Variants in RBFOX1 observed in about 807,000 individuals in gnomAD.
RBFOX1 encodes RNA binding fox-1 homolog 1.
RBFOX1 carries 8 observed loss-of-function variants against 57.7 expected under a neutral mutation model. The observed-to-expected ratio is 0.14, with a 90% CI of 0.08 to 0.25. The LOEUF (loss-of-function observed/expected upper bound fraction) is 0.25, where lower values mean the gene tolerates loss of function less well. Ranked by LOEUF, RBFOX1 falls within the 10% of genes least tolerant of loss-of-function variation. The pLI, the probability that RBFOX1 is intolerant of heterozygous loss-of-function variation, is 1.00. For synonymous variants in RBFOX1, 326 were observed against 222.4 expected (o/e 1.47, Z -4.15); for missense variants, 611 against 548.5 (o/e 1.11, Z -1.14).
intron 4 of RBFOX1, among the ~76,000 whole-genome samples, chr16:7,343,751 C>G (rs2096941147): frequency 6.6e-6 from 1 of 151,860 alleles, no homozygotes; most frequent in South Asian, 2.1e-4. Context: ...CCTGGTTCAT[C>G]TGCTGCAACC....
At chr16:7,328,655 G>C (rs1009751528) in intron 4 of RBFOX1, 5 of 149,998 alleles carry the variant, frequency 3.3e-5, no homozygotes, top group Non-Finnish European at 7.4e-5. Context: ...TAGGTGGAGG[G>C]ATGAGATTGA....
chr16:6,224,462 C>T (rs1378773335), intron 1 of RBFOX1, among the ~76,000 whole-genome samples: 1 of 152,090 alleles, frequency 6.6e-6, no homozygotes, highest in Non-Finnish European at 1.5e-5. Flanking sequence ...AATTCTTAGG[C>T]AGTGCTGATG....
chr16:6,492,108 G>C (rs1204238507), intron 2 of RBFOX1, among the ~76,000 whole-genome samples: 1 of 115,960 alleles, frequency 8.6e-6, no homozygotes, highest in Non-Finnish European at 1.9e-5. Flanking sequence ...TAAATAGCAA[G>C]TATATGAAAG....
At chr16:5,519,777 C>T (rs1453063354) in intron 2 of RBFOX1, among the ~76,000 whole-genome samples, 1 of 152,146 alleles carries the variant, frequency 6.6e-6, no homozygotes, top group Admixed American at 6.5e-5. Context: ...GATAAGACAG[C>T]CTGGGCGACT....
chr16:6,409,095 A>G (rs1180678624), intron 2 of RBFOX1, among the ~76,000 whole-genome samples: 4 of 152,136 alleles, frequency 2.6e-5, no homozygotes, highest in East Asian at 1.9e-4. Flanking sequence ...CCTACATACT[A>G]CTTCAAATAC....
chr16:7,193,383 T>C (rs1289010779), intron 4 of RBFOX1, among the ~76,000 whole-genome samples: 9 of 152,324 alleles, frequency 5.9e-5, no homozygotes, highest in South Asian at 4.1e-4. Context: ...AACTCCTTAA[T>C]TGTAGCTGGA....
chr16:5,390,745 T>A (rs542021098), intron 1 of RBFOX1, among the ~76,000 whole-genome samples: 254 of 152,128 alleles, frequency 1.7e-3, no homozygotes, highest in Non-Finnish European at 2.9e-3. Context: ...TTCACATTAT[T>A]CCCTGGGTCA....
intron 4 of RBFOX1, among the ~76,000 whole-genome samples, chr16:7,205,661 C>T (rs772886730): frequency 1.3e-4 from 20 of 152,304 alleles, no homozygotes; most frequent in Non-Finnish European, 2.2e-4. Flanking sequence ...AATTCCATGC[C>T]TTCTTGGTCA....
chr16:7,530,216 C>T (rs1197600626), intron 5 of RBFOX1, among the ~76,000 whole-genome samples: 2 of 152,122 alleles, frequency 1.3e-5, no homozygotes, highest in Non-Finnish European at 2.9e-5. Context: ...CTGAGTCACA[C>T]AGTGAGTATC....
chr16:6,558,783 C>A (rs1247342022), intron 2 of RBFOX1, among the ~76,000 whole-genome samples: 1 of 150,528 alleles, frequency 6.6e-6, no homozygotes, highest in Non-Finnish European at 1.5e-5. Flanking sequence ...ACCCCCACCC[C>A]CTGACTTAAA....
At chr16:6,068,178 C>T (rs1040624088) in intron 1 of RBFOX1, among the ~76,000 whole-genome samples, 3 of 152,072 alleles carry the variant, frequency 2.0e-5, no homozygotes, top group African/African-American at 7.2e-5. Context: ...CGTCTGCTCC[C>T]CTTTGGGTCT....
chr16:5,365,653 G>A (rs1027391908), intron 1 of RBFOX1: 12 of 330,600 alleles, frequency 3.6e-5, no homozygotes, highest in Non-Finnish European at 6.4e-5. Context: ...GGGTGACGGA[G>A]TAAGACCCTG....
At chr16:6,759,089 C>G (rs2076222088) in intron 3 of RBFOX1, among the ~76,000 whole-genome samples, 1 of 151,860 alleles carries the variant, frequency 6.6e-6, no homozygotes, top group Admixed American at 6.6e-5. Flanking sequence ...AGATTATATT[C>G]TACTGAAAAT....
chr16:6,958,711 A>C (rs2082348612), intron 3 of RBFOX1, among the ~76,000 whole-genome samples: 1 of 152,174 alleles, frequency 6.6e-6, no homozygotes, highest in Non-Finnish European at 1.5e-5. Flanking sequence ...CTCCCTCTTC[A>C]TGTTAGTTTT....
chr16:5,293,481 C>T (rs2063584165), intron 1 of RBFOX1, among the ~76,000 whole-genome samples: 1 of 152,162 alleles, frequency 6.6e-6, no homozygotes, highest in East Asian at 1.9e-4. Context: ...TTGGCTCCAC[C>T]TTGGAATCTC....
chr16:7,414,615 TTTTA>T (rs529195596), intron 4 of RBFOX1, among the ~76,000 whole-genome samples: 1 of 150,290 alleles, frequency 6.7e-6, no homozygotes, highest in African/African-American at 2.5e-5. Flanking sequence ...TTTTATTTTA[TTTTA>T]TTTATTTATT....
chr16:6,162,332 C>G (rs2096885757), intron 1 of RBFOX1, among the ~76,000 whole-genome samples: 1 of 152,118 alleles, frequency 6.6e-6, no homozygotes, highest in African/African-American at 2.4e-5. Flanking sequence ...GCAGGCCAGT[C>G]TCAAACTCCT....
intron 1 of RBFOX1, among the ~76,000 whole-genome samples, chr16:6,280,225 C>G (rs1042312711): frequency 6.6e-6 from 1 of 152,100 alleles, no homozygotes; most frequent in Non-Finnish European, 1.5e-5. Context: ...TCTGTTGGTC[C>G]GTGGCCTGAG....
intron 1 of RBFOX1, among the ~76,000 whole-genome samples, chr16:6,144,768 C>T (rs1429232740): frequency 6.6e-6 from 1 of 152,160 alleles, no homozygotes; most frequent in Admixed American, 6.5e-5. Flanking sequence ...GAGCAATAGC[C>T]ACATAATTTA....
Sources: allele counts gnomAD v4.1 joint callset (sites outside exome capture counted in the v4.1 genomes callset), GRCh38; gene constraint gnomAD v4.1.1; transcripts MANE v1.5; gene names NCBI Gene and HGNC (gene_info 2026-07-23, HGNC 2026-07-21).